The following SYT1 variants were observed in gnomAD, a reference collection of about 807,000 sequenced individuals.
SYT1 encodes synaptotagmin 1.
SYT1 carries 8 observed loss-of-function variants against 44.8 expected under a neutral mutation model. The ratio of observed to expected loss-of-function variants is 0.18; its 90% confidence interval spans 0.10 to 0.32. The LOEUF is 0.32. Ranked by LOEUF, SYT1 falls within the 10% of genes least tolerant of loss-of-function variation. SYT1 has a pLI of 1.00. For synonymous variants in SYT1, 154 were observed against 188.8 expected (o/e 0.82, Z 1.51); for missense variants, 286 against 509.3 (o/e 0.56, Z 4.22).
At chr12:79,205,332 A>C (rs951527106) in intron 3 of SYT1, among the ~76,000 whole-genome samples, 2 of 152,144 alleles carry the variant, frequency 1.3e-5, no homozygotes, top group African/African-American at 4.8e-5. Context: ...GAAAAAACTC[A>C]TATCTTTTCT....
intron 9 of SYT1, among the ~76,000 whole-genome samples, chr12:79,382,398 A>G (rs1396920854): frequency 6.6e-6 from 1 of 152,124 alleles, no homozygotes; most frequent in African/African-American, 2.4e-5. Flanking sequence ...GACTTCAAGG[A>G]ATTTATATTC....
At chr12:78,916,417 TG>T (rs960528713) in intron 1 of SYT1, among the ~76,000 whole-genome samples, 2 of 152,088 alleles carry the variant, frequency 1.3e-5, no homozygotes, top group African/African-American at 4.8e-5. Flanking sequence ...AGCTCAGATT[TG>T]GTTACTGAAA....
At chr12:79,322,669 C>T (rs973483694) in intron 8 of SYT1, among the ~76,000 whole-genome samples, 11 of 152,056 alleles carry the variant, frequency 7.2e-5, no homozygotes, top group African/African-American at 1.4e-4. Context: ...AATTATGTGG[C>T]GTCTATGGCA....
intron 3 of SYT1, among the ~76,000 whole-genome samples, chr12:79,057,380 A>G (rs1043459267): frequency 1.1e-4 from 17 of 151,992 alleles, no homozygotes; most frequent in Admixed American, 9.8e-4. Flanking sequence ...AGCTCAAAAT[A>G]CATTGGTTTC....
At chr12:79,297,212 T>C (rs1232979165) in intron 7 of SYT1, among the ~76,000 whole-genome samples, 1 of 152,160 alleles carries the variant, frequency 6.6e-6, no homozygotes, top group Non-Finnish European at 1.5e-5. Context: ...AGGTCCCTCA[T>C]GTATTGTCAG....
intron 4 of SYT1, among the ~76,000 whole-genome samples, chr12:79,237,256 C>T (rs1205206580): frequency 6.6e-6 from 1 of 152,140 alleles, no homozygotes; most frequent in African/African-American, 2.4e-5. Flanking sequence ...GGGTTATGCC[C>T]TGTAGGGATT....
intron 9 of SYT1, among the ~76,000 whole-genome samples, chr12:79,416,262 A>G (rs1018786245): frequency 4.6e-5 from 7 of 152,204 alleles, no homozygotes; most frequent in Non-Finnish European, 1.0e-4. Context: ...TCACATGATC[A>G]CAGTCATATG....
At chr12:78,908,364 G>A (rs184091966) in intron 1 of SYT1, among the ~76,000 whole-genome samples, 209 of 129,800 alleles carry the variant, frequency 1.6e-3, no homozygotes, top group African/African-American at 5.0e-3. Flanking sequence ...TTTTGAAGAC[G>A]GATCAGTTTT....
chr12:79,323,436 A>G (rs549781033), intron 8 of SYT1, among the ~76,000 whole-genome samples: 2 of 152,372 alleles, frequency 1.3e-5, no homozygotes, highest in East Asian at 3.9e-4. Flanking sequence ...AACAACAGTC[A>G]TAAGTTGACT....
intron 1 of SYT1, among the ~76,000 whole-genome samples, chr12:78,967,551 A>T (rs1868277541): frequency 6.6e-6 from 1 of 152,192 alleles, no homozygotes; most frequent in South Asian, 2.1e-4. Flanking sequence ...TCAAAGATAA[A>T]TTCAAGTTTT....
intron 9 of SYT1, among the ~76,000 whole-genome samples, chr12:79,431,735 G>C (rs909612255): frequency 6.6e-6 from 1 of 151,970 alleles, no homozygotes; most frequent in Non-Finnish European, 1.5e-5. Flanking sequence ...TACAGACGGG[G>C]TTTCACCATG....
At chr12:79,196,096 T>A (rs991507582) in intron 3 of SYT1, among the ~76,000 whole-genome samples, 1 of 152,164 alleles carries the variant, frequency 6.6e-6, no homozygotes, top group African/African-American at 2.4e-5. Flanking sequence ...TAAGACATAC[T>A]AAGAAACACT....
intron 8 of SYT1, among the ~76,000 whole-genome samples, chr12:79,303,754 A>G (rs1880258389): frequency 6.6e-6 from 1 of 152,222 alleles, no homozygotes; most frequent in Admixed American, 6.5e-5. Flanking sequence ...TACATATTCA[A>G]TCAAATGGCA....
chr12:79,189,146 T>C (rs1325215790), intron 3 of SYT1, among the ~76,000 whole-genome samples: 1 of 152,160 alleles, frequency 6.6e-6, no homozygotes, highest in Non-Finnish European at 1.5e-5. Context: ...ACCATCCCTT[T>C]CTGAATGTTA....
At chr12:79,013,111 G>A (rs779471690) in intron 2 of SYT1, among the ~76,000 whole-genome samples, 1 of 151,934 alleles carries the variant, frequency 6.6e-6, no homozygotes, top group African/African-American at 2.4e-5. Context: ...CCCCATCAAG[G>A]TCAGTTATTA....
At chr12:79,321,057 G>A (rs1881337229) in intron 8 of SYT1, among the ~76,000 whole-genome samples, 1 of 152,074 alleles carries the variant, frequency 6.6e-6, no homozygotes, top group Non-Finnish European at 1.5e-5. Context: ...CAGTCCCCTT[G>A]AGAGGAAAAA....
At chr12:79,344,377 C>CA (rs1414736476) in intron 8 of SYT1, among the ~76,000 whole-genome samples, 1 of 152,132 alleles carries the variant, frequency 6.6e-6, no homozygotes, top group Non-Finnish European at 1.5e-5. Flanking sequence ...TCAGTTATAC[C>CA]AAAAAATAGT....
At chr12:79,101,341 G>A (rs897155259) in intron 3 of SYT1, among the ~76,000 whole-genome samples, 7 of 152,134 alleles carry the variant, frequency 4.6e-5, no homozygotes, top group Non-Finnish European at 8.8e-5. Context: ...GATGAACCTT[G>A]GAGACATTAT....
chr12:79,424,950 CTTCTTTTT>C (rs1306263326), intron 9 of SYT1, among the ~76,000 whole-genome samples: 1 of 81,944 alleles, frequency 1.2e-5, no homozygotes, highest in African/African-American at 4.9e-5. Context: ...GATTTTTCTT[CTTCTTTTT>C]TTTTTTTTTT....
Sources: allele counts gnomAD v4.1 joint callset (sites outside exome capture counted in the v4.1 genomes callset), GRCh38; gene constraint gnomAD v4.1.1; transcripts MANE v1.5; gene names NCBI Gene and HGNC (gene_info 2026-07-23, HGNC 2026-07-21).